FCHSD2: variants seen among roughly 807,000 people sequenced by gnomAD.
The protein encoded by FCHSD2 is F-BAR and double SH3 domains protein 2.
In FCHSD2, 38 loss-of-function variants were observed where a neutral mutation model predicts 108.1. The ratio of observed to expected loss-of-function variants is 0.35; its 90% CI spans 0.27 to 0.46. The LOEUF (loss-of-function observed/expected upper bound fraction) is 0.46, where lower values mean the gene tolerates loss of function less well. FCHSD2 is among the 20% of genes least tolerant of loss of function. The pLI, the probability that FCHSD2 is intolerant of heterozygous loss-of-function variation, is 1.00. For missense variants in FCHSD2, 751 were observed against 897.8 expected, an observed-to-expected ratio of 0.84 and a Z score of 2.09; for synonymous variants, 279 against 314.7, an observed-to-expected ratio of 0.89 and a Z score of 1.20.
intron 8 of FCHSD2, among the ~76,000 whole-genome samples, chr11:72,972,030 G>A (rs941155542): frequency 1.1e-4 from 17 of 152,064 alleles, no homozygotes; most frequent in African/African-American, 3.9e-4. Context: ...GCATCTTATT[G>A]TATATTAATT....
chr11:73,096,041 C>CA (rs966758927), intron 2 of FCHSD2, among the ~76,000 whole-genome samples: 1 of 150,110 alleles, frequency 6.7e-6, no homozygotes, highest in African/African-American at 2.5e-5. Context: ...CAAAACAAAA[C>CA]AAAAAAACCT....
intron 8 of FCHSD2, among the ~76,000 whole-genome samples, chr11:72,936,415 C>G (rs1856301772): frequency 6.6e-6 from 1 of 152,014 alleles, no homozygotes; most frequent in Non-Finnish European, 1.5e-5. Flanking sequence ...CATTTTAATT[C>G]CCTTGTTTTT....
At chr11:73,073,700 TTC>T (rs2135502782) in intron 3 of FCHSD2, among the ~76,000 whole-genome samples, 1 of 152,378 alleles carries the variant, frequency 6.6e-6, no homozygotes, top group East Asian at 1.9e-4. Context: ...TATAAAATTA[TTC>T]TTTTTCTATA....
intron 3 of FCHSD2, among the ~76,000 whole-genome samples, chr11:73,040,662 T>C (rs1465336593): frequency 1.3e-5 from 2 of 152,262 alleles, no homozygotes; most frequent in East Asian, 1.9e-4. Flanking sequence ...ATATTCAATA[T>C]GTAATGATCA....
chr11:72,953,808 G>A (rs1173581491), intron 8 of FCHSD2, among the ~76,000 whole-genome samples: 2 of 152,340 alleles, frequency 1.3e-5, no homozygotes, highest in Middle Eastern at 6.8e-3. Context: ...GAGTGAGGGA[G>A]TATCGAGTTC....
intron 3 of FCHSD2, among the ~76,000 whole-genome samples, chr11:73,077,233 A>T (rs935969152): frequency 1.3e-5 from 2 of 151,420 alleles, no homozygotes; most frequent in African/African-American, 2.4e-5. Flanking sequence ...AACCCAATTT[A>T]AAAAAAAATC....
chr11:73,057,280 G>A (rs888458045), intron 3 of FCHSD2, among the ~76,000 whole-genome samples: 1 of 152,128 alleles, frequency 6.6e-6, no homozygotes, highest in Admixed American at 6.6e-5. Context: ...ACAGTACACA[G>A]GTTCGAAGCA....
chr11:73,035,150 TTATGTATG>T lies in FCHSD2; in HGVS notation c.166-19273_166-19266del, dbSNP rs200439027. On this transcript the variant is annotated intron_variant, in intron 3 of 19. Transcript: ENST00000409418. ...TTTAACTTGTTTTTAGTTTTTATTT[TTATGTATG>T]TATGTATGTATGTATGTATGTATGT... Among the ~76,000 whole-genome samples the T allele has an allele frequency of 2.4e-3, 347 of 143,940 alleles. 3 individuals are homozygous for T. The highest frequency in any genetic ancestry group is 3.5e-3 in the Middle Eastern group (1 of 288). The allele number at this position is 143,940 out of a possible 152,430, so 94.4% of individuals were successfully genotyped here.
intron 8 of FCHSD2, among the ~76,000 whole-genome samples, chr11:72,949,908 G>A (rs1290233956): frequency 6.6e-6 from 1 of 152,040 alleles, no homozygotes; most frequent in African/African-American, 2.4e-5. Flanking sequence ...GTGGAGTTTT[G>A]GGGTCATATG....
chr11:72,974,054 T>C (rs1236489190), intron 8 of FCHSD2, among the ~76,000 whole-genome samples: 1 of 117,026 alleles, frequency 8.5e-6, no homozygotes, highest in Admixed American at 1.2e-4. Context: ...GCAGAGTTGA[T>C]AACAGACAGG....
At chr11:72,930,027 T>C (rs1268905248) in intron 8 of FCHSD2, among the ~76,000 whole-genome samples, 1 of 152,126 alleles carries the variant, frequency 6.6e-6, no homozygotes, top group East Asian at 1.9e-4. Flanking sequence ...GAATGAGGCA[T>C]TTATCTTAAT....
chr11:72,964,914 C>T (rs1198436915), intron 8 of FCHSD2, among the ~76,000 whole-genome samples: 6 of 151,830 alleles, frequency 4.0e-5, no homozygotes, highest in Admixed American at 6.6e-5. Context: ...CTCAGCCTCC[C>T]GAGTAGCGGG....
intron 19 of FCHSD2, among the ~76,000 whole-genome samples, chr11:72,839,529 G>A (rs1860842418): frequency 6.6e-6 from 1 of 152,150 alleles, no homozygotes; most frequent in Admixed American, 6.6e-5. Context: ...AGGGGAAGTA[G>A]AGAAGTGGAA....
intron 4 of FCHSD2, among the ~76,000 whole-genome samples, chr11:73,002,376 ACTGTCAGCATAAAAG>A (rs1857643235): frequency 6.6e-6 from 1 of 152,158 alleles, no homozygotes; most frequent in African/African-American, 2.4e-5. Context: ...ACCAGCAAAA[ACTGTCAGCATAAAAG>A]CACTGATGAA....
At chr11:72,846,045 C>CAAAT (rs199698613) in intron 14 of FCHSD2, among the ~76,000 whole-genome samples, 2 of 144,412 alleles carry the variant, frequency 1.4e-5, no homozygotes, top group Non-Finnish European at 3.0e-5. Flanking sequence ...GAAGGGATTA[C>CAAAT]AAATAAATAG....
chr11:72,931,358 C>T (rs1856188144), intron 8 of FCHSD2, among the ~76,000 whole-genome samples: 5 of 148,350 alleles, frequency 3.4e-5, no homozygotes. Context: ...CCATCTGCCT[C>T]AGCCTCCTAA....
At chr11:72,886,195 A>G (rs1484405761) in intron 12 of FCHSD2, among the ~76,000 whole-genome samples, 1 of 152,132 alleles carries the variant, frequency 6.6e-6, no homozygotes, top group Non-Finnish European at 1.5e-5. Flanking sequence ...TTACATACTT[A>G]TAGGGCTGCA....
intron 8 of FCHSD2, among the ~76,000 whole-genome samples, chr11:72,925,925 C>A (rs1856066627): frequency 6.6e-6 from 1 of 152,220 alleles, no homozygotes; most frequent in African/African-American, 2.4e-5. Flanking sequence ...CCTCCTGGGA[C>A]TGGCTACAGC....
chr11:73,118,929 A>G (rs1186356572), intron 2 of FCHSD2, among the ~76,000 whole-genome samples: 3 of 152,226 alleles, frequency 2.0e-5, no homozygotes, highest in African/African-American at 7.2e-5. Flanking sequence ...AACATGTATG[A>G]TATCAATTCC....
Sources: gnomAD v4.1 joint callset for allele counts (sites outside exome capture counted in the v4.1 genomes callset) on GRCh38, gnomAD v4.1.1 for gene constraint, MANE v1.5 for transcripts, NCBI Gene and HGNC (gene_info 2026-07-23, HGNC 2026-07-21) for gene names.